EPB41L4B: variants seen among roughly 807,000 people sequenced by gnomAD.
EPB41L4B encodes the protein erythrocyte membrane protein band 4.1 like 4B.
A neutral mutation model predicts 112.5 loss-of-function variants in EPB41L4B; 30 were observed. The observed-to-expected ratio is 0.27, with a 90% CI of 0.20 to 0.36. EPB41L4B has a LOEUF of 0.36. EPB41L4B is among the 10% of genes least tolerant of loss of function. The pLI is 1.00. For missense variants in EPB41L4B, 1,024 were observed against 1,133.3 expected (o/e 0.90, Z 1.38); for synonymous variants, 408 against 439.7 (o/e 0.93, Z 0.90).
intron 1 of EPB41L4B, among the ~76,000 whole-genome samples, chr9:109,289,578 G>A (rs1054861216): frequency 2.6e-5 from 4 of 152,180 alleles, no homozygotes; most frequent in Non-Finnish European, 5.9e-5. Context: ...AGCCTGATCT[G>A]CCTGGTCCAA....
intron 23 of EPB41L4B, among the ~76,000 whole-genome samples, chr9:109,184,540 A>G (rs1276916775): frequency 1.3e-5 from 2 of 152,212 alleles, no homozygotes; most frequent in African/African-American, 2.4e-5. Context: ...TATTATTGCT[A>G]TGAAAGAAAG....
chr9:109,219,171 G>C (rs144546519), intron 15 of EPB41L4B, among the ~76,000 whole-genome samples: 1 of 152,268 alleles, frequency 6.6e-6, no homozygotes, highest in African/African-American at 2.4e-5. Context: ...CCTGAGACTT[G>C]AGCCTGGCCA....
At chr9:109,268,813 C>T (rs1298471022) in intron 2 of EPB41L4B, among the ~76,000 whole-genome samples, 1 of 144,314 alleles carries the variant, frequency 6.9e-6, no homozygotes, top group Non-Finnish European at 1.5e-5. Flanking sequence ...AGGAGAATGG[C>T]GTGAACCCAG....
rs376475808 is a variant in EPB41L4B at position 109,182,678 on chromosome 9, C to A, written c.2487+51G>T. ...TCTGGCATCCCGCAGAAAAGCACAC[C>A]GCATGGGAACAAGGGTTTAAAATGC... On this transcript the variant is annotated intron_variant, in intron 24 of 25. Transcript: ENST00000374566. The A allele has an allele frequency of 3.3e-5, 46 of 1,378,786 alleles. No homozygotes were observed. In the Middle Eastern group the frequency reaches 8.8e-4, roughly 26 times the overall value. The allele number at this position is 1,378,786 out of a possible 1,614,324, so 85.4% of individuals were successfully genotyped here.
chr9:109,293,698 TAAA>T (rs58106653), intron 1 of EPB41L4B, among the ~76,000 whole-genome samples: 19 of 131,650 alleles, frequency 1.4e-4, no homozygotes, highest in Admixed American at 2.3e-4. Flanking sequence ...TACACATTCT[TAAA>T]AAAAAAAAAA....
intron 18 of EPB41L4B, among the ~76,000 whole-genome samples, chr9:109,207,118 G>A (rs1190951600): frequency 6.6e-6 from 1 of 152,178 alleles, no homozygotes; most frequent in Non-Finnish European, 1.5e-5. Flanking sequence ...AGAAGTCTGA[G>A]TTTAGTCTCC....
chr9:109,239,943 GC>G, intron 15 of EPB41L4B: 1 of 985,364 alleles, frequency 1.0e-6, no homozygotes, highest in Non-Finnish European at 1.2e-6. Flanking sequence ...CACCAGAGTT[GC>G]CCCAGATGAA....
intron 15 of EPB41L4B, among the ~76,000 whole-genome samples, chr9:109,220,886 T>A (rs150695197): frequency 3.9e-5 from 6 of 152,182 alleles, no homozygotes; most frequent in Admixed American, 3.9e-4. Context: ...ATAACCAGAG[T>A]ATCCACCCTC....
chr9:109,249,072 A>AAAAAT (rs1433334004), intron 13 of EPB41L4B, among the ~76,000 whole-genome samples: 8 of 130,920 alleles, frequency 6.1e-5, no homozygotes, highest in African/African-American at 2.0e-4. Flanking sequence ...AAAAAAAAAA[A>AAAAAT]ATATATATAT....
At chr9:109,230,483 C>T (rs1833916300) in intron 15 of EPB41L4B, among the ~76,000 whole-genome samples, 1 of 152,186 alleles carries the variant, frequency 6.6e-6, no homozygotes, top group Admixed American at 6.5e-5. Context: ...GGAACTACAG[C>T]TCAATGATAT....
chr9:109,252,009 C>T (rs1834806497), intron 12 of EPB41L4B, among the ~76,000 whole-genome samples: 1 of 152,156 alleles, frequency 6.6e-6, no homozygotes, highest in South Asian at 2.1e-4. Flanking sequence ...TCATTAAAAG[C>T]TTGACAAAGA....
intron 1 of EPB41L4B, among the ~76,000 whole-genome samples, chr9:109,297,664 C>T (rs1200258993): frequency 1.3e-5 from 2 of 152,244 alleles, no homozygotes; most frequent in Non-Finnish European, 2.9e-5. Flanking sequence ...TCAGAGGCCT[C>T]GCTGCGTGGC....
intron 14 of EPB41L4B, among the ~76,000 whole-genome samples, chr9:109,246,553 T>A (rs1834566522): frequency 1.3e-5 from 2 of 152,158 alleles, no homozygotes; most frequent in South Asian, 4.2e-4. Flanking sequence ...GGGAAGAAAT[T>A]ATGGGGCAAC....
intron 15 of EPB41L4B, among the ~76,000 whole-genome samples, chr9:109,230,895 C>T (rs539039505): frequency 5.3e-5 from 8 of 152,254 alleles, no homozygotes; most frequent in South Asian, 2.1e-4. Context: ...TGGTGGCTCA[C>T]GCCTGTAATC....
intron 5 of EPB41L4B, 122 bp downstream of exon 5, chr9:109,264,858 G>T: frequency 2.7e-6 from 2 of 738,808 alleles, no homozygotes; most frequent in Non-Finnish European, 4.3e-6. Flanking sequence ...ACTTTACAAT[G>T]CCTGGTGCAC....
At chr9:109,247,685 A>T (rs764042100) in intron 14 of EPB41L4B, 71 bp downstream of exon 14, 1 of 1,147,646 alleles carries the variant, frequency 8.7e-7, no homozygotes, top group Middle Eastern at 3.1e-4. Context: ...AAACTTTACA[A>T]AAACCTTTTT....
rs547732563 is a variant in EPB41L4B at position 109,287,221 on chromosome 9, GGT to G, written c.307-7302_307-7301del. 4.7e-3 allele frequency among the ~76,000 whole-genome samples: 712 copies of G among 152,264 alleles called. 4 individuals carry two copies. Among genetic ancestry groups the G allele is most frequent in the Non-Finnish European group, 5.9e-3 (401 of 68,016 alleles). On this transcript the variant is annotated intron_variant, in intron 1 of 25. Coordinates refer to ENST00000374566, the MANE Select transcript of EPB41L4B (RefSeq NM_019114.5). ...GAGATTCTCATTTTGCTTATTCACT[GGT>G]TCCTAGCTGTGCTCCTGATAAGGGA...
At chr9:109,265,964 CTGTT>C (rs1273469576) in intron 4 of EPB41L4B, among the ~76,000 whole-genome samples, 1 of 116,206 alleles carries the variant, frequency 8.6e-6, no homozygotes, top group Non-Finnish European at 1.9e-5. Context: ...ACTAGAATGA[CTGTT>C]CGCCAGAAAT....
chr9:109,204,182 C>A (rs1485881293), intron 18 of EPB41L4B, among the ~76,000 whole-genome samples: 6 of 152,294 alleles, frequency 3.9e-5, no homozygotes, highest in Admixed American at 3.3e-4. Flanking sequence ...GCAGGAATCA[C>A]GTCATATGAT....
Sources: allele counts gnomAD v4.1 joint callset (sites outside exome capture counted in the v4.1 genomes callset), GRCh38; gene constraint gnomAD v4.1.1; transcripts MANE v1.5; gene names NCBI Gene and HGNC (gene_info 2026-07-23, HGNC 2026-07-21).